Variants in N4BP2L2 observed in about 807,000 individuals in gnomAD.
N4BP2L2 encodes NEDD4-binding protein 2-like 2.
N4BP2L2 carries 50 observed loss-of-function variants against 56.2 expected under a neutral mutation model. The observed-to-expected ratio is 0.89, with a 90% confidence interval of 0.71 to 1.13. The LOEUF (loss-of-function observed/expected upper bound fraction) is 1.13. Ranked by LOEUF, N4BP2L2 falls within the 50% of genes most tolerant of loss-of-function variation. The probability of loss-of-function intolerance (pLI) is 0.00; values close to 1 mark genes in which losing one functional copy is unlikely to be tolerated. For synonymous variants in N4BP2L2, 203 were observed against 223.6 expected, an observed-to-expected ratio of 0.91 and a Z score of 0.82; for missense variants, 689 against 693.8, an observed-to-expected ratio of 0.99 and a Z score of 0.08.
chr13:32,456,159 C>T (rs1331088910), intron 6 of N4BP2L2, among the ~76,000 whole-genome samples: 1 of 152,226 alleles, frequency 6.6e-6, no homozygotes, highest in East Asian at 1.9e-4. Flanking sequence ...TCAGTGCCAC[C>T]ACTTGGGCCT....
At chr13:32,530,889 T>TAA (rs3075024) in intron 2 of N4BP2L2, among the ~76,000 whole-genome samples, 11,637 of 130,234 alleles carry the variant, frequency 0.089, 664 homozygotes, top group Non-Finnish European at 0.13. Flanking sequence ...CGGAGATTAC[T>TAA]AAAAAAAAAA....
intron 8 of N4BP2L2, among the ~76,000 whole-genome samples, chr13:32,438,210 G>A (rs1307227951): frequency 6.6e-6 from 1 of 152,098 alleles, no homozygotes; most frequent in Non-Finnish European, 1.5e-5. Context: ...TCACCCTGCT[G>A]TGCAATGAAC....
chr13:32,442,481 T>C, exon 7 of N4BP2L2: 4 of 1,613,670 alleles, frequency 2.5e-6, no homozygotes, highest in Non-Finnish European at 3.4e-6. Flanking sequence ...TCAGTGCTTG[T>C]TAAGTCTTGG....
chr13:32,442,190 A>T (rs1449538687), intron 7 of N4BP2L2, among the ~76,000 whole-genome samples: 1 of 152,202 alleles, frequency 6.6e-6, no homozygotes, highest in Non-Finnish European at 1.5e-5. Flanking sequence ...ATTGAAAGAG[A>T]CATGAAGACT....
chr13:32,524,734 A>C (rs2052153503), intron 3 of N4BP2L2: 1 of 152,034 alleles, frequency 6.6e-6, no homozygotes, highest in Non-Finnish European at 1.5e-5. Flanking sequence ...TGACATAAAC[A>C]TTTTAATGAA....
chr13:32,473,602 G>A (rs1006227672), intron 6 of N4BP2L2, among the ~76,000 whole-genome samples: 8 of 152,184 alleles, frequency 5.3e-5, no homozygotes, highest in African/African-American at 1.7e-4. Context: ...GATTAAAATC[G>A]AGGTTTCAGC....
At chr13:32,470,531 C>T (rs1468397110) in intron 6 of N4BP2L2, among the ~76,000 whole-genome samples, 1 of 152,186 alleles carries the variant, frequency 6.6e-6, no homozygotes, top group Non-Finnish European at 1.5e-5. Flanking sequence ...ATGCATGAGG[C>T]ACTTGGGAGT....
chr13:32,488,971 A>G (rs1193131776), intron 6 of N4BP2L2, among the ~76,000 whole-genome samples: 2 of 152,184 alleles, frequency 1.3e-5, no homozygotes, highest in South Asian at 2.1e-4. Flanking sequence ...TACTCAGGAG[A>G]TGGACGCAGG....
At chr13:32,446,343 T>G (rs781498827) in intron 6 of N4BP2L2, 2 of 1,363,686 alleles carry the variant, frequency 1.5e-6, no homozygotes, top group Non-Finnish European at 9.8e-7. Flanking sequence ...TAACTCTCCT[T>G]CATGGCCAGT....
At chr13:32,517,717 T>A (rs903839428) in exon 6 of N4BP2L2, 3 of 1,493,868 alleles carry the variant, frequency 2.0e-6, no homozygotes, top group African/African-American at 1.4e-5. Context: ...AGCCTTTTTT[T>A]ATTTGAAACT....
At chr13:32,463,664 A>AG (rs56278488) in intron 6 of N4BP2L2, among the ~76,000 whole-genome samples, 2 of 28,750 alleles carry the variant, frequency 7.0e-5, no homozygotes, top group Non-Finnish European at 1.5e-4. Context: ...ACTTGGTCTC[A>AG]AAAAAAAAAA....
chr13:32,433,481 C>T (rs1417737152), intron 9 of N4BP2L2, among the ~76,000 whole-genome samples: 1 of 151,296 alleles, frequency 6.6e-6, no homozygotes, highest in Non-Finnish European at 1.5e-5. Context: ...AATAAAAATA[C>T]AAAAATTAGC....
At position 32,494,216 on chromosome 13, in the gene N4BP2L2, G is replaced by A. The variant is rs1485163121; in HGVS notation, c.365+23641C>T. On this transcript the variant is annotated intron_variant, in intron 6 of 9. Coordinates refer to the N4BP2L2 transcript ENST00000357505. ...GAGAATCTCTTGAACCTGGGAGGCG[G>A]AGGTTGCAGTGAGCCAAGATTGCGT... Among the ~76,000 whole-genome samples the A allele has an allele frequency of 2.6e-5, 4 of 152,090 alleles. No homozygotes were observed. The South Asian group carries it at 8.3e-4, about 32-fold the overall frequency.
intron 6 of N4BP2L2, among the ~76,000 whole-genome samples, chr13:32,452,671 C>G (rs1405367897): frequency 6.6e-6 from 1 of 152,124 alleles, no homozygotes; most frequent in Non-Finnish European, 1.5e-5. Flanking sequence ...TATCTATGTA[C>G]TTAAAACACT....
intron 6 of N4BP2L2, among the ~76,000 whole-genome samples, chr13:32,449,952 T>C (rs2077646493): frequency 6.6e-6 from 1 of 152,240 alleles, no homozygotes; most frequent in South Asian, 2.1e-4. Context: ...GACAAAGTGA[T>C]AAATTCACCA....
At chr13:32,453,804 C>T (rs982130567) in intron 6 of N4BP2L2, among the ~76,000 whole-genome samples, 2 of 152,206 alleles carry the variant, frequency 1.3e-5, no homozygotes. Context: ...TTGTTTTGAC[C>T]TTGCTGGTGA....
chr13:32,433,462 C>T (rs1466649512), intron 9 of N4BP2L2, among the ~76,000 whole-genome samples: 1 of 151,960 alleles, frequency 6.6e-6, no homozygotes, highest in Non-Finnish European at 1.5e-5. Context: ...AAAACCCCGT[C>T]TCTAAAATAA....
intron 2 of N4BP2L2, among the ~76,000 whole-genome samples, chr13:32,532,896 T>TC (rs386363489): frequency 6.9e-6 from 1 of 145,380 alleles, no homozygotes; most frequent in South Asian, 2.2e-4. Context: ...GGCCTTTTTT[T>TC]AAAAAAAAAA....
chr13:32,436,243 A>AC (rs2075460202), intron 9 of N4BP2L2: 2 of 459,052 alleles, frequency 4.4e-6, no homozygotes, highest in Non-Finnish European at 7.8e-6. Flanking sequence ...AACAAACTTC[A>AC]TTTTTTATAT....
Sources: allele counts gnomAD v4.1 joint callset (sites outside exome capture counted in the v4.1 genomes callset), GRCh38; gene constraint gnomAD v4.1.1; transcripts MANE v1.5; gene names NCBI Gene and HGNC (gene_info 2026-07-23, HGNC 2026-07-21).